DNM1: variants seen among roughly 807,000 people sequenced by gnomAD.
DNM1 encodes the protein dynamin-1.
A neutral mutation model predicts 104.6 loss-of-function variants in DNM1; 29 were observed. The ratio of observed to expected loss-of-function variants is 0.28; its 90% confidence interval spans 0.21 to 0.38. The LOEUF (loss-of-function observed/expected upper bound fraction) is 0.38, where lower values mean the gene tolerates loss of function less well. Ranked by LOEUF, DNM1 falls within the 10% of genes least tolerant of loss-of-function variation. The pLI is 1.00. For synonymous variants in DNM1, 445 were observed against 475.8 expected (o/e 0.94, Z 0.84); for missense variants, 640 against 1,189.4 (o/e 0.54, Z 6.79).
intron 9 of DNM1, chr9:128,223,117 G>A: frequency 2.0e-6 from 1 of 498,814 alleles, no homozygotes; most frequent in Non-Finnish European, 3.6e-6. Context: ...AACACCCTCT[G>A]GGGCTGGGCC....
At chr9:128,251,002 G>T in intron 21 of DNM1, 62 bp downstream of exon 21, 3 of 1,060,912 alleles carry the variant, frequency 2.8e-6, no homozygotes, top group South Asian at 2.8e-5. Context: ...GAGGGAAATG[G>T]GGCTGGATTC....
chr9:128,224,254 G>C lies in DNM1; in HGVS notation c.1200G>C (p.Thr400=). 6.2e-7 allele frequency: 1 copy of C among 1,613,700 alleles called. No homozygotes were observed. The highest frequency in any genetic ancestry group is 8.5e-7 in the Non-Finnish European group (1 of 1,179,818). ...YAIKNIHGIR[T]GLFTPDMAFE... ...TTCTCCCGCTCCGGGCGTTCAGAACGGGGCTGTTTACCCCAGACATGGCCT... is the reference window on the plus strand; with the variant it reads ...TTCTCCCGCTCCGGGCGTTCAGAACCGGGCTGTTTACCCCAGACATGGCCT... The change falls in exon 10 of 22, where the codon ACG becomes ACC. Residue 400 remains threonine (T), a synonymous_variant. Coordinates refer to ENST00000372923, the MANE Select transcript of DNM1 (RefSeq NM_004408.4). This position sits in a 1 kb window ranked among gnomAD's most constrained non-coding sequence, Gnocchi z 4.3.
rs1381761112 is a variant in DNM1, at chr9:128,239,792, C to G, written c.1545+13C>G. 1 of 1,612,374 alleles carries G rather than the reference C, an allele frequency of 6.2e-7. No homozygotes were observed. The highest frequency in any genetic ancestry group is 8.5e-7 in the Non-Finnish European group (1 of 1,178,846). On this transcript the variant is annotated intron_variant, in intron 13 of 21. Coordinates refer to ENST00000372923, the MANE Select transcript of DNM1 (RefSeq NM_004408.4). The stretch of plus-strand genomic sequence containing the variant: ...TTCAGGGAACCAGGTGAGTGGGGCC[C>G]AGCACCCCAGCCCGAGGGATGGAGG...
rs1214033950 is a variant in DNM1, at chr9:128,220,939, TTTTC to T, written c.849+611_849+614del. 6.3e-5 allele frequency among the ~76,000 whole-genome samples: 7 copies of T among 110,608 alleles called. No individual in the cohort carries two copies. Among genetic ancestry groups the T allele is most frequent in the Admixed American group, 9.4e-5 (1 of 10,668 alleles). 72.6% of individuals were successfully genotyped at this position (110,608 alleles called of 152,430 possible). ...TTTCTTTCTTTCTTTCTTTCTTTTC[TTTTC>T]TTTCTTTCTTTCCTTTCTTCTTTCT... On this transcript the variant is annotated intron_variant, in intron 6 of 21. Transcript: ENST00000372923. The surrounding 1 kb of genome is among the most constrained non-coding windows in gnomAD (Gnocchi z 5.2).
chr9:128,254,898 A>G lies in DNM1; in HGVS notation c.*184A>G. The G allele has an allele frequency of 1.7e-6, 1 of 600,460 alleles. No homozygotes were observed. The allele number at this position is 600,460 out of a possible 1,614,324, so 37.2% of individuals were successfully genotyped here. A position where few individuals can be genotyped will look rare whatever the true frequency, so the allele number is the denominator to read the frequency against. Reference sequence around the variant, plus strand: ...TGAAAACTTGTGCCCCTTCTGTGGTATGCCCTTGCCCTGTTCTATAAATAT... The same window carrying G: ...TGAAAACTTGTGCCCCTTCTGTGGTGTGCCCTTGCCCTGTTCTATAAATAT... On this transcript the variant is annotated 3_prime_UTR_variant, in exon 22 of 22. Coordinates refer to ENST00000372923, the MANE Select transcript of DNM1 (RefSeq NM_004408.4). The surrounding 1 kb of genome is among the most constrained non-coding windows in gnomAD (Gnocchi z 6.1).
Position 128,250,352 on chromosome 9 carries a change from C to A in DNM1, c.2314C>A (p.Arg772Ser). Residue 772 changes from arginine (R) to serine (S), a missense_variant, in exon 20 of 22, where the codon CGC becomes AGC. This residue lies in a region of DNM1 where 129 missense variants were observed against 224.6 expected (regional missense o/e 0.57). Coordinates refer to ENST00000372923, the MANE Select transcript of DNM1 (RefSeq NM_004408.4). ...GCAGGTGCAGAGCGTACCGGCCGGA[C>A]GCAGGTACCAGGGCCGGCCCCCACG... ...WLQVQSVPAG[R>S]RSPTSSPTPQ... 1 of 1,581,092 alleles carries A rather than the reference C, an allele frequency of 6.3e-7. No individual in the cohort carries two copies. Among genetic ancestry groups the A allele is most frequent in the Non-Finnish European group, 8.6e-7 (1 of 1,165,180 alleles).
rs148531239 is a variant in DNM1, at chr9:128,241,515, A to G, written c.1558-717A>G. ...ATCATAGCTTTTATTTATTCATACTACAAATATGTATTGATCACTTACTAT... is the reference window on the plus strand; with the variant it reads ...ATCATAGCTTTTATTTATTCATACTGCAAATATGTATTGATCACTTACTAT... On this transcript the variant is annotated intron_variant, in intron 14 of 21. Transcript: ENST00000372923. 2.8e-3 allele frequency among the ~76,000 whole-genome samples: 433 copies of G among 152,336 alleles called. 3 individuals are homozygous for G. The highest frequency in any genetic ancestry group is 9.9e-3 in the African/African-American group (411 of 41,568).
chr9:128,212,607 A>G (rs1834367735), intron 1 of DNM1, among the ~76,000 whole-genome samples: 1 of 152,272 alleles, frequency 6.6e-6, no homozygotes, highest in African/African-American at 2.4e-5. Context: ...AGAAGCTATC[A>G]AAGGGCTGAT....
rs776695052 is a variant in DNM1 at position 128,239,773 on chromosome 9, G to A, written c.1539G>A (p.Gly513=). The part of the protein sequence containing the change: ...SNQMNKKKTS[G]NQDEILVIRK... ...AGATGAACAAGAAGAAGACTTCAGG[G>A]AACCAGGTGAGTGGGGCCCAGCACC... Residue 513 remains glycine (G), a synonymous_variant, in exon 13 of 22, where the codon GGG becomes GGA. Coordinates refer to ENST00000372923, the MANE Select transcript of DNM1 (RefSeq NM_004408.4). 2 of 1,613,796 alleles carry A rather than the reference G, an allele frequency of 1.2e-6. No homozygotes were observed. The highest frequency in any genetic ancestry group is 2.2e-5 in the South Asian group (2 of 91,050).
rs952882811 is a variant in DNM1 at position 128,203,968 on chromosome 9, A to G, written c.161+337A>G. ...CAACATGGGCATGGAGAGAGCCCGC[A>G]TTACTCAGCGTCTCCGTTGGGCTCC... is the stretch of plus-strand genomic sequence containing the variant. On this transcript the variant is annotated intron_variant, in intron 1 of 21. Transcript: ENST00000372923. The surrounding 1 kb of genome is among the most constrained non-coding windows in gnomAD (Gnocchi z 5.3). 3 of 167,592 alleles carry G rather than the reference A, an allele frequency of 1.8e-5. No homozygotes were observed. The Admixed American group carries it at 1.9e-4, about 11-fold the overall frequency. The allele number at this position is 167,592 out of a possible 1,614,324, so 10.4% of individuals were successfully genotyped here. A position where few individuals can be genotyped will look rare whatever the true frequency, so the allele number is the denominator to read the frequency against.
At position 128,248,251 on chromosome 9, in the gene DNM1, CAGG is replaced by C. The variant is rs953728498; in HGVS notation, c.1905+323_1906-323del. On this transcript the variant is annotated intron_variant, in intron 18 of 21. Coordinates refer to ENST00000372923, the MANE Select transcript of DNM1 (RefSeq NM_004408.4). This position sits in a 1 kb window ranked among gnomAD's most constrained non-coding sequence, Gnocchi z 5.6. ...CTGAGGCAGGAGAATCGCTTGAACC[CAGG>C]AGGAGGTTGCAATGAGCCAATACAG... The C allele has an allele frequency of 9.9e-6, 5 of 506,172 alleles. No homozygotes were observed. The highest frequency in any genetic ancestry group is 9.6e-5 in the African/African-American group (5 of 51,856). The allele number at this position is 506,172 out of a possible 1,614,324, so 31.4% of individuals were successfully genotyped here. A position where few individuals can be genotyped will look rare whatever the true frequency, so the allele number is the denominator to read the frequency against.
intron 11 of DNM1, among the ~76,000 whole-genome samples, chr9:128,237,964 A>G (rs1469533500): frequency 6.6e-6 from 1 of 151,962 alleles, no homozygotes; most frequent in Admixed American, 6.6e-5. Context: ...TTGTAGAGAC[A>G]GGGTTTCTCC....
rs1425689660 is a variant in DNM1, at chr9:128,218,790, G to A, written c.385+59G>A. ...ATCATTTTCTTGGCCACGCACCTCTGCGTGCCTCGCTCCTCCTGCAGACTC... is the reference window on the plus strand; with the variant it reads ...ATCATTTTCTTGGCCACGCACCTCTACGTGCCTCGCTCCTCCTGCAGACTC... On this transcript the variant is annotated intron_variant, in intron 3 of 21. Coordinates refer to ENST00000372923, the MANE Select transcript of DNM1 (RefSeq NM_004408.4). The surrounding 1 kb of genome is among the most constrained non-coding windows in gnomAD (Gnocchi z 4.8). 6.6e-7 allele frequency: 1 copy of A among 1,515,946 alleles called. No homozygotes were observed. The highest frequency in any genetic ancestry group is 1.4e-5 in the African/African-American group (1 of 72,444). 93.9% of individuals were successfully genotyped at this position (1,515,946 alleles called of 1,614,324 possible).
In DNM1 at chr9:128,240,304, G is replaced by T; in HGVS notation, c.1557+308G>T. On this transcript the variant is annotated intron_variant, in intron 14 of 21. Transcript: ENST00000372923. The surrounding 1 kb of genome is among the most constrained non-coding windows in gnomAD (Gnocchi z 5.1). ...ATCTGCTGGATGGAGGGATGCACGT[G>T]AGCAAGACACATTTTTAAGAAGCTG... The T allele has an allele frequency of 2.6e-6, 1 of 392,006 alleles. No homozygotes were observed. Among genetic ancestry groups the T allele is most frequent in the Non-Finnish European group, 4.6e-6 (1 of 215,784 alleles). 24.3% of individuals were successfully genotyped at this position (392,006 alleles called of 1,614,324 possible).
chr9:128,250,469 C>T, intron 20 of DNM1, 113 bp downstream of exon 20: 1 of 1,220,534 alleles, frequency 8.2e-7, no homozygotes. Context: ...CCACCTGGAG[C>T]GAGGGGCGGA....
chr9:128,203,730 C>A lies in DNM1; in HGVS notation c.161+99C>A. On this transcript the variant is annotated intron_variant, in intron 1 of 21. Coordinates refer to ENST00000372923, the MANE Select transcript of DNM1 (RefSeq NM_004408.4). The surrounding 1 kb of genome is among the most constrained non-coding windows in gnomAD (Gnocchi z 5.3). ...GGCGCGGCGACCTCGCAGCCCCCGACGCTGCACCCGCGGCCGGCGCGCCCC... is the reference window on the plus strand; with the variant it reads ...GGCGCGGCGACCTCGCAGCCCCCGAAGCTGCACCCGCGGCCGGCGCGCCCC... The A allele has an allele frequency of 8.7e-7, 1 of 1,152,760 alleles. No individual in the cohort carries two copies. Among genetic ancestry groups the A allele is most frequent in the Middle Eastern group, 3.4e-4 (1 of 2,974 alleles). The allele number at this position is 1,152,760 out of a possible 1,614,324, so 71.4% of individuals were successfully genotyped here.
Position 128,254,689 on chromosome 9 carries a change from G to A in DNM1, c.2570G>A (p.Ser857Asn). The A allele has an allele frequency of 6.3e-7, 1 of 1,596,246 alleles. No individual in the cohort carries two copies. Among genetic ancestry groups the A allele is most frequent in the Non-Finnish European group, 8.5e-7 (1 of 1,179,716 alleles). The change falls in exon 22 of 22, where the codon AGC (serine) becomes AAC (asparagine). Residue 857 changes from serine to asparagine, a missense_variant. Physicochemically the swap from Ser to Asn is conservative, Grantham distance 46. Around this residue, in one of 7 missense-constraint regions of DNM1, gnomAD observed 37 missense variants for 35.6 expected, o/e 1.04. Coordinates refer to ENST00000372923, the MANE Select transcript of DNM1 (RefSeq NM_004408.4). This position sits in a 1 kb window ranked among gnomAD's most constrained non-coding sequence, Gnocchi z 6.1. ...SGQASPSRPE[S>N]PRPPFDL ...CAGGCAAGTCCATCCCGTCCTGAGA[G>A]CCCCAGGCCCCCCTTCGACCTCTAA... is the stretch of plus-strand genomic sequence containing the variant.
intron 1 of DNM1, among the ~76,000 whole-genome samples, chr9:128,214,420 AAG>A (rs2131129357): frequency 6.6e-6 from 1 of 152,220 alleles, no homozygotes; most frequent in South Asian, 2.1e-4. Context: ...GAGCCCAAAA[AAG>A]AGGAGGCATA....
In DNM1 at chr9:128,211,595, C is replaced by T. The variant is rs544366177; in HGVS notation, c.162-6636C>T. Among the ~76,000 whole-genome samples the T allele has an allele frequency of 2.0e-5, 3 of 150,304 alleles. No individual in the cohort carries two copies. The South Asian group carries it at 6.4e-4, about 32-fold the overall frequency. On this transcript the variant is annotated intron_variant, in intron 1 of 21. Coordinates refer to ENST00000372923, the MANE Select transcript of DNM1 (RefSeq NM_004408.4). ...TCCTGGCCTCAAGCTGGGGCTTGAA[C>T]TCCTGGCCCCAAGCGATCCTCCCAC... is the stretch of plus-strand genomic sequence containing the variant.
Sources: allele counts gnomAD v4.1 joint callset (sites outside exome capture counted in the v4.1 genomes callset), GRCh38; gene constraint gnomAD v4.1.1; regional missense constraint gnomAD v4.1.1; non-coding constraint Gnocchi (gnomAD v3.1); transcripts MANE v1.5; gene names NCBI Gene and HGNC (gene_info 2026-07-23, HGNC 2026-07-21).